Variants in FAM118A observed in about 807,000 individuals in gnomAD.
FAM118A encodes SIR2 antiphage like 2.
A neutral mutation model predicts 38.2 loss-of-function variants in FAM118A; 25 were observed. That is an observed-to-expected ratio of 0.65 (90% CI 0.48 to 0.91). The LOEUF (loss-of-function observed/expected upper bound fraction) is 0.91. FAM118A is among the 40% of genes least tolerant of loss of function. The pLI, the probability that FAM118A is intolerant of heterozygous loss-of-function variation, is 0.00. For missense variants in FAM118A, 425 were observed against 463.3 expected (o/e 0.92, Z 0.76); for synonymous variants, 178 against 184.1 (o/e 0.97, Z 0.27).
intron 4 of FAM118A, chr22:45,328,599 C>T (rs964005006): frequency 6.2e-5 from 39 of 632,702 alleles, no homozygotes; most frequent in Non-Finnish European, 9.1e-5. Context: ...GCCACTTATT[C>T]CAGCCTGGGT....
chr22:45,341,769 T>A lies in FAM118A; in HGVS notation c.*1364T>A, dbSNP rs1377612559. On this transcript the variant is annotated 3_prime_UTR_variant, in exon 9 of 9. Coordinates refer to ENST00000441876, the MANE Select transcript of FAM118A (RefSeq NM_017911.4). Reference sequence around the variant, plus strand: ...AGGCCACTTATCTTCAATGTGACATTTCTTGCCAAGCCCTGTGACACTCCC... The same window carrying A: ...AGGCCACTTATCTTCAATGTGACATATCTTGCCAAGCCCTGTGACACTCCC... 1 of 152,222 alleles carries A rather than the reference T, an allele frequency of 6.6e-6. No homozygotes were observed. The highest frequency in any genetic ancestry group is 1.5e-5 in the Non-Finnish European group (1 of 68,094). The allele number at this position is 152,222 out of a possible 1,614,324, so 9.4% of individuals were successfully genotyped here.
chr22:45,330,059 G>A (rs1217279147), intron 4 of FAM118A: 1 of 152,190 alleles, frequency 6.6e-6, no homozygotes, highest in Non-Finnish European at 1.5e-5. Context: ...GTGTGTAGAA[G>A]TAATACAGAA....
intron 5 of FAM118A, 97 bp downstream of exon 5, chr22:45,330,828 C>T (rs963708772): frequency 2.2e-6 from 3 of 1,338,036 alleles, no homozygotes; most frequent in Non-Finnish European, 1.9e-6. Flanking sequence ...AGGCTCCAGG[C>T]GTCCGTGCCC....
At position 45,341,167 on chromosome 22, in the gene FAM118A, G is replaced by A. The variant is rs780875615; in HGVS notation, c.*762G>A. ...ACTATAGAAAGCATTTTAAAGGTAC[G>A]TTTTAAAGGTCCACTGTTAAATAGT... On this transcript the variant is annotated 3_prime_UTR_variant, in exon 9 of 9. Transcript: ENST00000441876. 2.6e-5 allele frequency: 4 copies of A among 152,208 alleles called. No homozygotes were observed. Among genetic ancestry groups the A allele is most frequent in the South Asian group, 4.1e-4 (2 of 4,836 alleles). 9.4% of individuals were successfully genotyped at this position (152,208 alleles called of 1,614,324 possible).
At chr22:45,333,652 T>A (rs540704768) in intron 6 of FAM118A, among the ~76,000 whole-genome samples, 71 of 136,414 alleles carry the variant, frequency 5.2e-4, no homozygotes, top group African/African-American at 1.8e-3. Flanking sequence ...CCAGCCTGGG[T>A]GACAGAGCAA....
At position 45,328,075 on chromosome 22, in the gene FAM118A, G is replaced by T; in HGVS notation, c.522+12G>T. ...AGGACAAGACCAAGGTATGGGCTGG[G>T]GGTGCGGGAGGCCTTTGGCCGGCGG... On this transcript the variant is annotated intron_variant, in intron 4 of 8. Transcript: ENST00000441876. 4.6e-6 allele frequency: 3 copies of T among 653,368 alleles called. No individual in the cohort carries two copies. The highest frequency in any genetic ancestry group is 3.7e-5 in the South Asian group (2 of 53,906). The allele number at this position is 653,368 out of a possible 1,614,324, so 40.5% of individuals were successfully genotyped here. A position where few individuals can be genotyped will look rare whatever the true frequency, so the allele number is the denominator to read the frequency against.
In FAM118A at chr22:45,333,350, A is replaced by G. The variant is rs376136910; in HGVS notation, c.937+640A>G. Among the ~76,000 whole-genome samples, 224 of 150,562 alleles carry G rather than the reference A, an allele frequency of 1.5e-3. 6 individuals carry two copies. The South Asian group carries it at 0.028, about 19-fold the overall frequency. ...AGACCAACCTGGGCAACATAGGGAG[A>G]CCTGGTCTCTACAAAAATGTTTTTA... On this transcript the variant is annotated intron_variant, in intron 6 of 8. Transcript: ENST00000441876.
chr22:45,336,343 A>C lies in FAM118A; in HGVS notation c.986A>C (p.Asp329Ala). ...TCTCTTTTAGGTAATGCATGCCAGG[A>C]CTGTGCAAAGAGGAAGTTAGAAGAG... is the stretch of plus-strand genomic sequence containing the variant. ...STTLLGNACQ[D>A]CAKRKLEENG... Residue 329 changes from aspartate to alanine, a missense_variant, in exon 8 of 9, where the codon GAC (aspartate) becomes GCC (alanine). Transcript: ENST00000441876. 6.2e-7 allele frequency: 1 copy of C among 1,613,788 alleles called. No homozygotes were observed. Among genetic ancestry groups the C allele is most frequent in the Non-Finnish European group, 8.5e-7 (1 of 1,179,710 alleles).
intron 6 of FAM118A, 133 bp from the exon 7 acceptor site, chr22:45,335,217 G>A (rs150159493): frequency 1.3e-5 from 12 of 900,378 alleles, no homozygotes; most frequent in Non-Finnish European, 1.9e-5. Context: ...GCAGGAGTCC[G>A]CAGCCCGCGC....
chr22:45,310,806 A>G (rs1291961011), intron 1 of FAM118A, among the ~76,000 whole-genome samples: 1 of 152,208 alleles, frequency 6.6e-6, no homozygotes. Flanking sequence ...AGGACAGTCT[A>G]TAGAGCAGGA....
chr22:45,336,576 C>G (rs534076840), intron 8 of FAM118A, among the ~76,000 whole-genome samples, 165 bp downstream of exon 8: 80 of 152,304 alleles, frequency 5.3e-4, no homozygotes, highest in African/African-American at 1.7e-3. Context: ...AGCAGAGACC[C>G]TGACCTCTCA....
intron 8 of FAM118A, among the ~76,000 whole-genome samples, chr22:45,339,279 G>A (rs371375399): frequency 2.0e-4 from 31 of 152,200 alleles, no homozygotes; most frequent in African/African-American, 4.3e-4. Context: ...GCCTACTGTA[G>A]TCCCAGCTAC....
chr22:45,331,686 C>T (rs1001360177), intron 5 of FAM118A, among the ~76,000 whole-genome samples: 6 of 152,182 alleles, frequency 3.9e-5, no homozygotes, highest in African/African-American at 1.4e-4. Context: ...GGTGTCATTC[C>T]GTGACAGGTG....
chr22:45,339,494 T>C (rs1008205651), intron 8 of FAM118A, among the ~76,000 whole-genome samples: 1 of 152,250 alleles, frequency 6.6e-6, no homozygotes, highest in Non-Finnish European at 1.5e-5. Flanking sequence ...TTGTTTTGGA[T>C]CAAACTGTTT....
Position 45,340,445 on chromosome 22 carries a change from C to T in FAM118A, c.*40C>T, listed in dbSNP as rs2086406773. 1 of 1,611,682 alleles carries T rather than the reference C, an allele frequency of 6.2e-7. No homozygotes were observed. Among genetic ancestry groups the T allele is most frequent in the Admixed American group, 1.7e-5 (1 of 59,998 alleles). On this transcript the variant is annotated 3_prime_UTR_variant, in exon 9 of 9. Coordinates refer to ENST00000441876, the MANE Select transcript of FAM118A (RefSeq NM_017911.4). ...AACCTGCAACTTGAAAACTAGCCTT[C>T]TGTAACCACAGTGCCCAAACGAAGA...
intron 6 of FAM118A, 165 bp from the exon 7 acceptor site, chr22:45,335,185 A>C: frequency 4.6e-6 from 3 of 657,400 alleles, no homozygotes; most frequent in Non-Finnish European, 8.0e-6. Context: ...CCTGGGAGGT[A>C]GAGGTGAGGG....
intron 8 of FAM118A, chr22:45,337,843 C>T (rs1227385966): frequency 1.0e-6 from 1 of 985,396 alleles, no homozygotes; most frequent in African/African-American, 1.7e-5. Context: ...GGTGTCTGTG[C>T]CATCCTCATG....
rs2086458230 is a variant in FAM118A, at chr22:45,341,637, G to GA, written c.*1233dup. 1 of 152,242 alleles carries GA rather than the reference G, an allele frequency of 6.6e-6. No homozygotes were observed. The highest frequency in any genetic ancestry group is 2.4e-5 in the African/African-American group (1 of 41,444). 9.4% of individuals were successfully genotyped at this position (152,242 alleles called of 1,614,324 possible). A position where few individuals can be genotyped will look rare whatever the true frequency, so the allele number is the denominator to read the frequency against. On this transcript the variant is annotated 3_prime_UTR_variant, in exon 9 of 9. Transcript: ENST00000441876. ...GCTGAGTGTGCTGCCGGTGCCCGGGGAGCTTCTCTGACTGTGACCCGGCAG... is the reference window on the plus strand; with the variant it reads ...GCTGAGTGTGCTGCCGGTGCCCGGGGAAGCTTCTCTGACTGTGACCCGGCAG...
At chr22:45,322,894 G>A (rs1408884012) in intron 2 of FAM118A, among the ~76,000 whole-genome samples, 1 of 152,220 alleles carries the variant, frequency 6.6e-6, no homozygotes, top group East Asian at 1.9e-4. Context: ...GGAATGATAT[G>A]TATCACTTAA....
Sources: allele counts gnomAD v4.1 joint callset (sites outside exome capture counted in the v4.1 genomes callset), GRCh38; gene constraint gnomAD v4.1.1; transcripts MANE v1.5; gene names NCBI Gene and HGNC (gene_info 2026-07-23, HGNC 2026-07-21).